The following MUSK variants were observed in gnomAD, a reference collection of about 807,000 sequenced individuals.
MUSK encodes the protein muscle associated receptor tyrosine kinase, also known as muscle, skeletal receptor tyrosine-protein kinase.
In MUSK, 55 loss-of-function variants were observed where a neutral mutation model predicts 88.7. The ratio of observed to expected loss-of-function variants is 0.62; its 90% CI spans 0.50 to 0.78. The LOEUF (loss-of-function observed/expected upper bound fraction) is 0.78, where lower values mean the gene tolerates loss of function less well. Among genes scored for constraint, MUSK ranks in the 30% least tolerant of loss-of-function variants. The pLI, the probability that MUSK is intolerant of heterozygous loss-of-function variation, is 0.00. For missense variants in MUSK, 1,015 were observed against 1,074.3 expected (o/e 0.94, Z 0.77); for synonymous variants, 387 against 391.9 (o/e 0.99, Z 0.15).
intron 5 of MUSK, among the ~76,000 whole-genome samples, chr9:110,727,027 G>A (rs1219462104): frequency 1.3e-5 from 2 of 151,952 alleles, no homozygotes; most frequent in Non-Finnish European, 2.9e-5. Flanking sequence ...TACGAATATT[G>A]TAAAAAAAAG....
chr9:110,746,324 C>T (rs1197565686), intron 6 of MUSK, among the ~76,000 whole-genome samples: 35 of 152,182 alleles, frequency 2.3e-4, no homozygotes, highest in Admixed American at 2.3e-3. Flanking sequence ...AAAAATGCCA[C>T]CACCTTAACA....
chr9:110,693,942 G>T (rs909794894), intron 3 of MUSK, among the ~76,000 whole-genome samples: 4 of 152,082 alleles, frequency 2.6e-5, no homozygotes, highest in African/African-American at 7.2e-5. Flanking sequence ...TTACATGTAG[G>T]TATTTACAGT....
chr9:110,775,839 A>G lies in MUSK; in HGVS notation c.1236A>G (p.Val412=). Reference sequence around the variant, plus strand: ...TCTTCTGCGCAAAAGAATGGCTGGTAATGGAAGAGAAGACCCACAGAGGAC... The same window carrying G: ...TCTTCTGCGCAAAAGAATGGCTGGTGATGGAAGAGAAGACCCACAGAGGAC... ...KELFCAKEWL[V]MEEKTHRGLY... is the part of the protein sequence containing the mutation. The change falls in exon 10 of 15, where the codon GTA becomes GTG. Residue 412 remains valine (V), a synonymous_variant. Coordinates refer to ENST00000374448, the MANE Select transcript of MUSK (RefSeq NM_005592.4). 6.2e-7 allele frequency: 1 copy of G among 1,613,884 alleles called. No individual in the cohort carries two copies. Among genetic ancestry groups the G allele is most frequent in the Non-Finnish European group, 8.5e-7 (1 of 1,179,812 alleles).
intron 7 of MUSK, among the ~76,000 whole-genome samples, chr9:110,750,189 T>C (rs1045872492): frequency 6.6e-6 from 1 of 152,166 alleles, no homozygotes; most frequent in Admixed American, 6.5e-5. Flanking sequence ...AAAATACTAA[T>C]GTTACTAATC....
At position 110,767,849 on chromosome 9, in the gene MUSK, GC is replaced by G; in HGVS notation, c.951del (p.Cys317TrpfsTer43). 6.2e-7 allele frequency: 1 copy of G among 1,613,964 alleles called. No homozygotes were observed. The highest frequency in any genetic ancestry group is 8.5e-7 in the Non-Finnish European group (1 of 1,179,876). Reference sequence around the variant, plus strand: ...CCACAGAAAGATAACAAAGGCTACTGCGCCCAGTACAGAGGGGAGGTGTGTA... The same window carrying G: ...CCACAGAAAGATAACAAAGGCTACTGGCCCAGTACAGAGGGGAGGTGTGTA... ...SKPQKDNKGY[C>X]AQYRGEVCNA... is the part of the protein sequence containing the mutation. On this transcript the variant is annotated frameshift_variant, in exon 9 of 15. Transcript: ENST00000374448. LOFTEE classifies it high-confidence loss of function.
chr9:110,687,604 G>C (rs1418032285), intron 3 of MUSK, among the ~76,000 whole-genome samples: 1 of 152,074 alleles, frequency 6.6e-6, no homozygotes, highest in East Asian at 1.9e-4. Context: ...TGAAGTGCTG[G>C]AATTACAGGC....
chr9:110,699,683 A>T (rs1172519067), intron 5 of MUSK, among the ~76,000 whole-genome samples: 1 of 152,158 alleles, frequency 6.6e-6, no homozygotes, highest in Non-Finnish European at 1.5e-5. Context: ...GTACATGCAG[A>T]TGCCTGCTAG....
intron 5 of MUSK, among the ~76,000 whole-genome samples, chr9:110,710,795 T>A (rs544438177): frequency 1.8e-4 from 28 of 152,274 alleles, no homozygotes; most frequent in African/African-American, 6.3e-4. Flanking sequence ...TGAGCTTATA[T>A]CATATTTTAT....
rs553116505 is a variant in MUSK, at chr9:110,767,680, TGGAGCG to T, written c.921-139_921-134del. On this transcript the variant is annotated intron_variant, in intron 8 of 14. Coordinates refer to ENST00000374448, the MANE Select transcript of MUSK (RefSeq NM_005592.4). ...GCTGGAAATGAAGACAATATTCAAA[TGGAGCG>T]TGTCAACCAATTTACTAGTACAATT... 708 of 865,576 alleles carry T rather than the reference TGGAGCG, an allele frequency of 8.2e-4. 3 individuals carry two copies. In the African/African-American group the frequency reaches 0.01, roughly 12 times the overall value. 53.6% of individuals were successfully genotyped at this position (865,576 alleles called of 1,614,324 possible). A position where few individuals can be genotyped will look rare whatever the true frequency, so the allele number is the denominator to read the frequency against.
intron 5 of MUSK, 33 bp downstream of exon 5, chr9:110,697,499 G>T: frequency 6.3e-7 from 1 of 1,595,838 alleles, no homozygotes; most frequent in South Asian, 1.1e-5. Context: ...CTGACTGTGT[G>T]ACCAGGGGCC....
chr9:110,742,952 T>A (rs1330800484), intron 6 of MUSK, among the ~76,000 whole-genome samples: 1 of 152,194 alleles, frequency 6.6e-6, no homozygotes, highest in Non-Finnish European at 1.5e-5. Context: ...AGGCATTTAA[T>A]GTTGTAAAAG....
At chr9:110,773,351 G>C (rs1007213575) in intron 9 of MUSK, among the ~76,000 whole-genome samples, 2 of 151,940 alleles carry the variant, frequency 1.3e-5, no homozygotes, top group African/African-American at 4.8e-5. Context: ...TTCCACACTT[G>C]TTCTTTGAAA....
intron 7 of MUSK, among the ~76,000 whole-genome samples, chr9:110,761,380 A>C (rs951403956): frequency 6.6e-6 from 1 of 152,048 alleles, no homozygotes; most frequent in Non-Finnish European, 1.5e-5. Context: ...GGCCCTTCTG[A>C]GTGCAGATGC....
chr9:110,708,308 T>G (rs1050358779), intron 5 of MUSK, among the ~76,000 whole-genome samples: 1 of 152,216 alleles, frequency 6.6e-6, no homozygotes, highest in Non-Finnish European at 1.5e-5. Flanking sequence ...TGCTTTTTCC[T>G]TTGTTTATGC....
At chr9:110,726,651 A>G (rs1355192230) in intron 5 of MUSK, among the ~76,000 whole-genome samples, 1 of 152,074 alleles carries the variant, frequency 6.6e-6, no homozygotes, top group African/African-American at 2.4e-5. Context: ...CAGAATAAAG[A>G]CACTTAATAT....
chr9:110,753,059 A>C (rs1241554281), intron 7 of MUSK, among the ~76,000 whole-genome samples: 1 of 152,178 alleles, frequency 6.6e-6, no homozygotes, highest in Non-Finnish European at 1.5e-5. Context: ...GGAAGAAAGC[A>C]AGACAGCCTA....
intron 14 of MUSK, among the ~76,000 whole-genome samples, chr9:110,797,127 AAAAATAAAAAATAAAAAAT>A (rs2078011040): frequency 4.8e-5 from 2 of 41,434 alleles, no homozygotes; most frequent in African/African-American, 1.7e-4. Context: ...AAAAAAATAA[AAAAATAAAAAATAAAAAAT>A]AAATGCATGA....
chr9:110,764,436 T>G (rs552705508), intron 8 of MUSK, among the ~76,000 whole-genome samples: 1 of 152,334 alleles, frequency 6.6e-6, no homozygotes, highest in East Asian at 1.9e-4. Context: ...AATGTTCCAG[T>G]TGGCCTCTGT....
chr9:110,690,479 T>A (rs373220551), intron 3 of MUSK, among the ~76,000 whole-genome samples: 8,363 of 25,198 alleles, frequency 0.33, 1,126 homozygotes, highest in African/African-American at 0.54. Flanking sequence ...AGTATATATA[T>A]AAATATATAT....
Sources: allele counts gnomAD v4.1 joint callset (sites outside exome capture counted in the v4.1 genomes callset), GRCh38; gene constraint gnomAD v4.1.1; transcripts MANE v1.5; gene names NCBI Gene and HGNC (gene_info 2026-07-23, HGNC 2026-07-21).